Variants in SHC4 observed in about 807,000 individuals in gnomAD.
SHC4 encodes the protein SHC adaptor protein 4.
A neutral mutation model predicts 69.4 loss-of-function variants in SHC4; 41 were observed. The observed-to-expected ratio is 0.59, with a 90% CI of 0.46 to 0.77. SHC4 has a LOEUF of 0.77. SHC4 is among the 30% of genes least tolerant of loss of function. SHC4 has a pLI of 0.00. For synonymous variants in SHC4, 318 were observed against 299.3 expected (o/e 1.06, Z -0.64); for missense variants, 777 against 783.8 (o/e 0.99, Z 0.10).
At chr15:48,874,665 T>C (rs983241252) in intron 4 of SHC4, among the ~76,000 whole-genome samples, 6 of 152,216 alleles carry the variant, frequency 3.9e-5, no homozygotes, top group South Asian at 4.1e-4. Context: ...TGGCTGCAAA[T>C]ACAGATTAAC....
intron 4 of SHC4, among the ~76,000 whole-genome samples, chr15:48,883,513 T>C (rs932454709): frequency 1.3e-5 from 2 of 152,188 alleles, no homozygotes; most frequent in Non-Finnish European, 2.9e-5. Flanking sequence ...GATCACAACA[T>C]ATTAGACAAA....
intron 4 of SHC4, chr15:48,878,521 G>A: frequency 6.2e-7 from 1 of 1,614,080 alleles, no homozygotes; most frequent in Non-Finnish European, 8.5e-7. Context: ...CCGAAGAGGA[G>A]CAGCTCAGTG....
In SHC4 at chr15:48,884,520, TTAAA is replaced by T. The variant is rs575121561; in HGVS notation, c.721-157_721-154del. On this transcript the variant is annotated intron_variant, in intron 3 of 11. Coordinates refer to ENST00000332408, the MANE Select transcript of SHC4 (RefSeq NM_203349.4). ...ATCAAATGAAAGGGAATGGTTTTTA[TTAAA>T]TAAACTTTTTTTTAAATTAGGATGC... Among the ~76,000 whole-genome samples the T allele has an allele frequency of 6.4e-3, 950 of 148,590 alleles. 7 individuals carry two copies. Among genetic ancestry groups the T allele is most frequent in the African/African-American group, 0.02 (800 of 40,596 alleles).
chr15:48,873,337 T>C (rs765918294), intron 4 of SHC4, among the ~76,000 whole-genome samples: 1 of 152,274 alleles, frequency 6.6e-6, no homozygotes, highest in Non-Finnish European at 1.5e-5. Flanking sequence ...ATATTGGTTA[T>C]ACAACTGTTC....
chr15:48,860,323 G>A lies in SHC4; in HGVS notation c.947-2508C>T, dbSNP rs140918343. On this transcript the variant is annotated intron_variant, in intron 6 of 11. Transcript: ENST00000332408. ...GAGGTCAGGAGTTCATGGCCAACAT[G>A]GTGAAACCCCGTATCTATTAAAAAT... Among the ~76,000 whole-genome samples, 447 of 152,064 alleles carry A rather than the reference G, an allele frequency of 2.9e-3. 1 individual carries two copies. The highest frequency in any genetic ancestry group is 0.011 in the African/African-American group (440 of 41,506).
intron 4 of SHC4, among the ~76,000 whole-genome samples, chr15:48,872,517 T>C (rs551208254): frequency 6.6e-6 from 1 of 152,356 alleles, no homozygotes; most frequent in Admixed American, 6.5e-5. Context: ...GGGGCCATAT[T>C]ATGCTGCCAT....
chr15:48,955,047 A>G lies in SHC4; in HGVS notation c.585+7384T>C, dbSNP rs540696931. Among the ~76,000 whole-genome samples, 11 of 152,224 alleles carry G rather than the reference A, an allele frequency of 7.2e-5. 1 individual carries two copies. In the South Asian group the frequency reaches 2.1e-3, roughly 29 times the overall value. Reference sequence around the variant, plus strand: ...TCTACCACCCTTAAAAACTCTTTGCAACATTGTTACAATGAGAAAAAGCTC... The same window carrying G: ...TCTACCACCCTTAAAAACTCTTTGCGACATTGTTACAATGAGAAAAAGCTC... On this transcript the variant is annotated intron_variant, in intron 1 of 11. Transcript: ENST00000332408.
rs1033499509 is a variant in SHC4, at chr15:48,824,428, A to G, written c.*1543T>C. 2.0e-5 allele frequency: 3 copies of G among 152,082 alleles called. No individual in the cohort carries two copies. Among genetic ancestry groups the G allele is most frequent in the Non-Finnish European group, 2.9e-5 (2 of 68,014 alleles). The allele number at this position is 152,082 out of a possible 1,614,324, so 9.4% of individuals were successfully genotyped here. Reference sequence around the variant, plus strand: ...TAACTCAAGATTAAAAAAAAAAACAAAAAACATTTTTCTTGGAAAGGCAAG... The same window carrying G: ...TAACTCAAGATTAAAAAAAAAAACAGAAAACATTTTTCTTGGAAAGGCAAG... On this transcript the variant is annotated 3_prime_UTR_variant, in exon 12 of 12. Coordinates refer to ENST00000332408, the MANE Select transcript of SHC4 (RefSeq NM_203349.4).
intron 9 of SHC4, among the ~76,000 whole-genome samples, chr15:48,844,254 C>T (rs1223195796): frequency 6.6e-6 from 1 of 152,148 alleles, no homozygotes; most frequent in African/African-American, 2.4e-5. Context: ...TCTCCCCTTC[C>T]ATTCTATTCT....
At chr15:48,928,931 G>C (rs537810241) in intron 1 of SHC4, among the ~76,000 whole-genome samples, 116 of 152,214 alleles carry the variant, frequency 7.6e-4, no homozygotes, top group African/African-American at 2.7e-3. Context: ...GAGATGAAGG[G>C]TGGCAGGAGG....
At chr15:48,872,756 A>G (rs779230872) in intron 4 of SHC4, among the ~76,000 whole-genome samples, 2 of 152,222 alleles carry the variant, frequency 1.3e-5, no homozygotes, top group Non-Finnish European at 2.9e-5. Flanking sequence ...TAGGACTTCT[A>G]ATATGAGTAA....
At chr15:48,915,999 T>C (rs1708502693) in intron 2 of SHC4, among the ~76,000 whole-genome samples, 1 of 152,144 alleles carries the variant, frequency 6.6e-6, no homozygotes, top group Admixed American at 6.5e-5. Flanking sequence ...AGAATCCACA[T>C]ACCATATGCT....
At position 48,924,857 on chromosome 15, in the gene SHC4, C is replaced by G. The variant is rs767262391; in HGVS notation, c.656+22G>C. The G allele has an allele frequency of 3.1e-6, 5 of 1,612,572 alleles. No homozygotes were observed. In the Admixed American group the frequency reaches 8.3e-5, roughly 27 times the overall value. ...ACTTTAAACCATACTCCTCAAAGCC[C>G]CTCCCATTTTTGGCTTCTTACCTTG... On this transcript the variant is annotated intron_variant, in intron 2 of 11. Transcript: ENST00000332408.
Position 48,834,974 on chromosome 15 carries a change from G to A in SHC4, c.1532C>T (p.Ser511Leu). The A allele has an allele frequency of 1.9e-6, 3 of 1,613,166 alleles. No homozygotes were observed. The highest frequency in any genetic ancestry group is 1.1e-5 in the South Asian group (1 of 90,934). Reference protein sequence around the residue: ...QPGATAQPASSHSLPHIKQQL... With the variant: ...QPGATAQPASLHSLPHIKQQL... ...CTGCTTAATGTGTGGCAAAGAATGT[G>A]AGCTGGCAGGCTGGGCTGTGGCACC... is the stretch of plus-strand genomic sequence containing the variant. Residue 511 changes from serine to leucine, a missense_variant, in exon 11 of 12, where the codon TCA (serine) becomes TTA (leucine). Ser to Leu is a moderately radical substitution (Grantham distance 145, BLOSUM62 -2). Transcript: ENST00000332408.
At chr15:48,931,678 C>T (rs1450384581) in intron 1 of SHC4, among the ~76,000 whole-genome samples, 1 of 152,024 alleles carries the variant, frequency 6.6e-6, no homozygotes, top group Admixed American at 6.6e-5. Flanking sequence ...ACTGGGGTCT[C>T]ATCATATTCA....
At chr15:48,929,874 C>T (rs890216900) in intron 1 of SHC4, among the ~76,000 whole-genome samples, 2 of 152,230 alleles carry the variant, frequency 1.3e-5, no homozygotes, top group African/African-American at 4.8e-5. Context: ...TAACTCCCAA[C>T]TCGCTTCCTC....
chr15:48,896,677 A>G (rs1195887294), intron 2 of SHC4, among the ~76,000 whole-genome samples: 2 of 152,138 alleles, frequency 1.3e-5, no homozygotes, highest in Admixed American at 6.5e-5. Context: ...AAGCTCCCCA[A>G]AACATTCTGT....
intron 2 of SHC4, among the ~76,000 whole-genome samples, chr15:48,899,581 T>TG (rs777873984): frequency 2.6e-5 from 4 of 152,016 alleles, no homozygotes; most frequent in Admixed American, 1.3e-4. Flanking sequence ...CTTCTACCAC[T>TG]GTTTTTTTTT....
intron 6 of SHC4, among the ~76,000 whole-genome samples, chr15:48,859,411 G>T (rs974979841): frequency 6.6e-6 from 1 of 151,556 alleles, no homozygotes; most frequent in African/African-American, 2.4e-5. Flanking sequence ...TTATAAAGTT[G>T]CCCCTTTAAA....
Sources: gnomAD v4.1 joint callset for allele counts (sites outside exome capture counted in the v4.1 genomes callset) on GRCh38, gnomAD v4.1.1 for gene constraint, MANE v1.5 for transcripts, NCBI Gene and HGNC (gene_info 2026-07-23, HGNC 2026-07-21) for gene names.